The following CNTNAP2 variants were observed in gnomAD, a reference collection of about 807,000 sequenced individuals.
CNTNAP2 encodes contactin associated protein 2, also known as contactin-associated protein-like 2.
Under a neutral mutation model 155.2 loss-of-function variants are expected in CNTNAP2, and 98 were observed. That is an observed-to-expected ratio of 0.63 (90% CI 0.54 to 0.75). The LOEUF (loss-of-function observed/expected upper bound fraction) is 0.75, where lower values mean the gene tolerates loss of function less well. Ranked by LOEUF, CNTNAP2 falls within the 30% of genes least tolerant of loss-of-function variation. The pLI is 0.00. For synonymous variants in CNTNAP2, 651 were observed against 631.2 expected, an observed-to-expected ratio of 1.03 and a Z score of -0.47; for missense variants, 1,727 against 1,688.1, an observed-to-expected ratio of 1.02 and a Z score of -0.40.
intron 17 of CNTNAP2, among the ~76,000 whole-genome samples, chr7:148,151,726 T>C (rs1208733706): frequency 6.6e-6 from 1 of 152,256 alleles, no homozygotes; most frequent in Non-Finnish European, 1.5e-5. Context: ...GGCTCATTAC[T>C]TCTTTCTTGA....
intron 3 of CNTNAP2, among the ~76,000 whole-genome samples, chr7:146,899,890 G>C (rs1339699811): frequency 6.6e-6 from 1 of 152,186 alleles, no homozygotes; most frequent in Non-Finnish European, 1.5e-5. Flanking sequence ...GTTTATGGGA[G>C]CTTTTGGATA....
intron 1 of CNTNAP2, among the ~76,000 whole-genome samples, chr7:146,430,799 A>ATTAAT (rs1796162755): frequency 6.6e-6 from 1 of 152,056 alleles, no homozygotes; most frequent in Admixed American, 6.6e-5. Context: ...TAAATCAATG[A>ATTAAT]TTAATTTTTC....
chr7:147,043,857 T>C (rs1053267036), intron 3 of CNTNAP2, 50 bp from the exon 4 acceptor site: 1 of 1,604,992 alleles, frequency 6.2e-7, no homozygotes, highest in Non-Finnish European at 8.5e-7. Context: ...AGGACATGAT[T>C]GTTTCTAAAG....
chr7:146,598,377 T>A lies in CNTNAP2; in HGVS notation c.98-175894T>A, dbSNP rs1798895407. ...GGCTAGTTGAGTTCCTGCCTATTTC[T>A]CTGCACGTCTTTTGGTAGATCTCCT... On this transcript the variant is annotated intron_variant, in intron 1 of 23. Transcript: ENST00000361727. 2.0e-5 allele frequency among the ~76,000 whole-genome samples: 3 copies of A among 152,150 alleles called. 1 individual carries two copies. The South Asian group carries it at 6.2e-4, about 31-fold the overall frequency.
At chr7:147,580,641 A>G (rs1800482241) in intron 12 of CNTNAP2, among the ~76,000 whole-genome samples, 2 of 150,478 alleles carry the variant, frequency 1.3e-5, no homozygotes, top group African/African-American at 2.5e-5. Context: ...TTTGAGACGG[A>G]ATCTTGCTCT....
intron 1 of CNTNAP2, among the ~76,000 whole-genome samples, chr7:146,527,110 C>G (rs747662444): frequency 8.5e-5 from 13 of 152,142 alleles, no homozygotes; most frequent in Admixed American, 2.6e-4. Flanking sequence ...AAAAATCCCT[C>G]CTCTTCTTTA....
chr7:147,860,654 T>C (rs1212048722), intron 13 of CNTNAP2, among the ~76,000 whole-genome samples: 3 of 151,972 alleles, frequency 2.0e-5, no homozygotes, highest in Non-Finnish European at 1.5e-5. Flanking sequence ...TGCCACCATG[T>C]AAGACATGCC....
rs1388629020 is a variant in CNTNAP2 at position 147,423,386 on chromosome 7, T to C, written c.1670+27606T>C. ...AAAAACCTGATTAAAATGCTTAATA[T>C]GATGAACAGACCTTGAATAATCTTC... On this transcript the variant is annotated intron_variant, in intron 10 of 23. Coordinates refer to ENST00000361727, the MANE Select transcript of CNTNAP2 (RefSeq NM_014141.6). Among the ~76,000 whole-genome samples the C allele has an allele frequency of 2.0e-5, 3 of 152,310 alleles. No individual in the cohort carries two copies. The South Asian group carries it at 6.2e-4, about 32-fold the overall frequency.
At chr7:148,253,029 G>A (rs1199647707) in intron 20 of CNTNAP2, among the ~76,000 whole-genome samples, 1 of 127,826 alleles carries the variant, frequency 7.8e-6, no homozygotes, top group South Asian at 2.6e-4. Context: ...TAGATAGATA[G>A]ATAGATAGAT....
intron 8 of CNTNAP2, among the ~76,000 whole-genome samples, chr7:147,270,580 T>C (rs902061574): frequency 2.4e-4 from 37 of 152,186 alleles, no homozygotes; most frequent in African/African-American, 7.2e-4. Context: ...TGTATGTACA[T>C]CGCCACCCAC....
intron 1 of CNTNAP2, among the ~76,000 whole-genome samples, chr7:146,235,411 G>A (rs1048990773): frequency 6.6e-6 from 1 of 152,004 alleles, no homozygotes; most frequent in African/African-American, 2.4e-5. Flanking sequence ...CTGGAAGCTG[G>A]CTGTGAGACA....
intron 1 of CNTNAP2, among the ~76,000 whole-genome samples, chr7:146,281,322 AC>A (rs1232900038): frequency 1.3e-5 from 2 of 152,136 alleles, no homozygotes; most frequent in Non-Finnish European, 2.9e-5. Flanking sequence ...TAAATAATAA[AC>A]CTTTTATGGT....
At chr7:147,563,814 A>G (rs897403990) in intron 12 of CNTNAP2, among the ~76,000 whole-genome samples, 2 of 151,966 alleles carry the variant, frequency 1.3e-5, no homozygotes, top group African/African-American at 2.4e-5. Flanking sequence ...CTGATTCATT[A>G]TGTGTGAAGT....
At chr7:146,161,591 G>A (rs1054719194) in intron 1 of CNTNAP2, among the ~76,000 whole-genome samples, 14 of 152,026 alleles carry the variant, frequency 9.2e-5, no homozygotes, top group Admixed American at 9.2e-4. Flanking sequence ...TACTACCCAA[G>A]GTAATTTATA....
At chr7:147,440,712 C>T (rs189456877) in intron 10 of CNTNAP2, among the ~76,000 whole-genome samples, 99 of 152,174 alleles carry the variant, frequency 6.5e-4, no homozygotes, top group South Asian at 1.5e-3. Context: ...TCTTCACGTT[C>T]GAAGGATATT....
intron 3 of CNTNAP2, among the ~76,000 whole-genome samples, chr7:146,893,460 T>A (rs1795818866): frequency 8.2e-6 from 1 of 122,202 alleles, no homozygotes; most frequent in Admixed American, 8.1e-5. Flanking sequence ...TGTGTGTGTG[T>A]ATATATATAC....
intron 22 of CNTNAP2, among the ~76,000 whole-genome samples, chr7:148,394,786 G>A (rs747654927): frequency 2.0e-5 from 3 of 152,192 alleles, no homozygotes; most frequent in African/African-American, 7.2e-5. Flanking sequence ...CTGATGCAGC[G>A]GGTCCCTGGA....
chr7:147,665,338 C>T lies in CNTNAP2; in HGVS notation c.2098+26032C>T, dbSNP rs147590529. Among the ~76,000 whole-genome samples the T allele has an allele frequency of 2.2e-4, 33 of 152,254 alleles. No homozygotes were observed. In the East Asian group the frequency reaches 5.0e-3, roughly 23 times the overall value. ...CATTACTGTGTATGTGAGTATATTA[C>T]AAATTGTCTCCTATTTTACCGTAGA... is the stretch of plus-strand genomic sequence containing the variant. On this transcript the variant is annotated intron_variant, in intron 13 of 23. Transcript: ENST00000361727.
chr7:147,542,343 A>G (rs1333010452), intron 11 of CNTNAP2, among the ~76,000 whole-genome samples: 1 of 152,032 alleles, frequency 6.6e-6, no homozygotes, highest in African/African-American at 2.4e-5. Flanking sequence ...TAAGAAAGTA[A>G]GAGTTTGTAC....
Sources: gnomAD v4.1 joint callset for allele counts (sites outside exome capture counted in the v4.1 genomes callset) on GRCh38, gnomAD v4.1.1 for gene constraint, MANE v1.5 for transcripts, NCBI Gene and HGNC (gene_info 2026-07-23, HGNC 2026-07-21) for gene names.